Variants in DNAI3 observed in about 807,000 individuals in gnomAD.
DNAI3 encodes WD repeat domain 63.
Under a neutral mutation model 115.5 loss-of-function variants are expected in DNAI3, and 83 were observed. The observed-to-expected ratio is 0.72, with a 90% CI of 0.60 to 0.86. The LOEUF is 0.86. Ranked by LOEUF, DNAI3 falls within the 40% of genes least tolerant of loss-of-function variation. The probability of loss-of-function intolerance (pLI) is 0.00; values close to 1 mark genes in which losing one functional copy is unlikely to be tolerated. For synonymous variants in DNAI3, 320 were observed against 347.0 expected, an observed-to-expected ratio of 0.92 and a Z score of 0.86; for missense variants, 1,004 against 1,075.8, an observed-to-expected ratio of 0.93 and a Z score of 0.93.
chr1:85,116,898 A>G (rs1312132466), intron 16 of DNAI3, among the ~76,000 whole-genome samples: 3 of 152,222 alleles, frequency 2.0e-5, no homozygotes, highest in Non-Finnish European at 2.9e-5. Context: ...CTAAATCATG[A>G]TAATCATTTT....
rs779214574 is a variant in DNAI3, at chr1:85,126,755, T to A, written c.2317+40T>A. On this transcript the variant is annotated intron_variant, in intron 20 of 22. Coordinates refer to ENST00000294664, the MANE Select transcript of DNAI3 (RefSeq NM_145172.5). ...ACTAAATAAGCTAAGTCATTTTGGG[T>A]AACTCGGGAACATCTTGACATTCAT... 5 of 1,609,280 alleles carry A rather than the reference T, an allele frequency of 3.1e-6. No individual in the cohort carries two copies. In the Admixed American group the frequency reaches 6.7e-5, roughly 21 times the overall value.
rs770894130 is a variant in DNAI3, at chr1:85,085,892, A to G, written c.602A>G (p.Gln201Arg). ...EFGAPIKFSD[Q>R]NASSVKDAYI... is the part of the protein sequence containing the mutation. Reference sequence around the variant, plus strand: ...GGTGCACCAATTAAGTTCAGTGACCAGAATGCTTCCAGTGTAAAAGATGCC... The same window carrying G: ...GGTGCACCAATTAAGTTCAGTGACCGGAATGCTTCCAGTGTAAAAGATGCC... The change falls in exon 7 of 23, where the codon CAG becomes CGG. Residue 201 changes from glutamine to arginine, a missense_variant. Transcript: ENST00000294664. The G allele has an allele frequency of 3.1e-6, 5 of 1,614,234 alleles. No individual in the cohort carries two copies. Among genetic ancestry groups the G allele is most frequent in the Non-Finnish European group, 4.2e-6 (5 of 1,180,044 alleles).
intron 16 of DNAI3, among the ~76,000 whole-genome samples, chr1:85,110,375 C>T (rs527248180): frequency 6.6e-6 from 1 of 151,556 alleles, no homozygotes; most frequent in African/African-American, 2.4e-5. Context: ...GGCGTGAACC[C>T]GGGAGGCAGA....
At chr1:85,086,418 T>C (rs1344677854) in intron 7 of DNAI3, among the ~76,000 whole-genome samples, 1 of 152,160 alleles carries the variant, frequency 6.6e-6, no homozygotes, top group Non-Finnish European at 1.5e-5. Flanking sequence ...TTCTTTGGCT[T>C]TCATCACTTA....
rs980160689 is a variant in DNAI3, at chr1:85,119,125, T to A, written c.1917+1266T>A. On this transcript the variant is annotated intron_variant, in intron 17 of 22. Coordinates refer to ENST00000294664, the MANE Select transcript of DNAI3 (RefSeq NM_145172.5). Reference sequence around the variant, plus strand: ...CACAGCAAAGTTTAAAAAATTTTTTTAATTGTGGTAAAATATATGTAACAT... The same window carrying A: ...CACAGCAAAGTTTAAAAAATTTTTTAAATTGTGGTAAAATATATGTAACAT... 7.9e-5 allele frequency among the ~76,000 whole-genome samples: 12 copies of A among 152,248 alleles called. No homozygotes were observed. The South Asian group carries it at 8.3e-4, about 10-fold the overall frequency.
At chr1:85,077,254 G>C (rs1432503522) in intron 3 of DNAI3, among the ~76,000 whole-genome samples, 3 of 152,154 alleles carry the variant, frequency 2.0e-5, no homozygotes, top group Non-Finnish European at 4.4e-5. Context: ...TTAGATAGCT[G>C]TAAGTAAGAA....
chr1:85,097,835 G>A (rs1267152277), intron 12 of DNAI3, among the ~76,000 whole-genome samples, 180 bp downstream of exon 12: 2 of 152,192 alleles, frequency 1.3e-5, no homozygotes, highest in East Asian at 3.9e-4. Context: ...TTTTATGTGG[G>A]CCCTTGATTA....
intron 16 of DNAI3, among the ~76,000 whole-genome samples, chr1:85,114,564 G>A (rs1655757936): frequency 2.0e-5 from 3 of 152,166 alleles, no homozygotes; most frequent in Admixed American, 2.0e-4. Flanking sequence ...GATCTTTGGA[G>A]GAAGGTCACT....
rs1278408148 is a variant in DNAI3, at chr1:85,129,986, A to T, written c.2410-4A>T. On this transcript the variant is annotated splice_region_variant and splice_polypyrimidine_tract_variant and intron_variant, in intron 21 of 22. Transcript: ENST00000294664. ...ACCCTCTCATGGACTTCTGTTTCTA[A>T]CAGATGGCAAGTGTCAACCACTATT... The T allele has an allele frequency of 6.2e-7, 1 of 1,611,112 alleles. No individual in the cohort carries two copies. The highest frequency in any genetic ancestry group is 2.2e-5 in the East Asian group (1 of 44,840).
chr1:85,088,692 GC>G (rs1654868292), intron 7 of DNAI3, among the ~76,000 whole-genome samples: 2 of 152,114 alleles, frequency 1.3e-5, no homozygotes, highest in African/African-American at 4.8e-5. Context: ...AAAAATGAAA[GC>G]CCAATGTTTC....
Position 85,113,642 on chromosome 1 carries a change from C to G in DNAI3, c.1786+3507C>G, listed in dbSNP as rs190212359. ...AATTAGATAGTGTTAGTTTTCCAACCTTTTTTTTTTCAAAGTAGTTTTTGA... is the reference window on the plus strand; with the variant it reads ...AATTAGATAGTGTTAGTTTTCCAACGTTTTTTTTTTCAAAGTAGTTTTTGA... On this transcript the variant is annotated intron_variant, in intron 16 of 22. Transcript: ENST00000294664. Among the ~76,000 whole-genome samples, 282 of 149,330 alleles carry G rather than the reference C, an allele frequency of 1.9e-3. 12 individuals are homozygous for G. The East Asian group carries it at 0.046, about 24-fold the overall frequency.
Position 85,128,812 on chromosome 1 carries a change from C to T in DNAI3, c.2409+13C>T, listed in dbSNP as rs1177364344. 16 of 1,600,656 alleles carry T rather than the reference C, an allele frequency of 1.0e-5. No homozygotes were observed. Among genetic ancestry groups the T allele is most frequent in the Non-Finnish European group, 1.4e-5 (16 of 1,171,008 alleles). On this transcript the variant is annotated intron_variant, in intron 21 of 22. Coordinates refer to ENST00000294664, the MANE Select transcript of DNAI3 (RefSeq NM_145172.5). ...TTCCACCAATGAGGTTAGTAACTAACTTATGACTTTGAGAATTAATGTGAC... is the reference window on the plus strand; with the variant it reads ...TTCCACCAATGAGGTTAGTAACTAATTTATGACTTTGAGAATTAATGTGAC...
At chr1:85,064,159 A>T (rs1342755605) in intron 1 of DNAI3, among the ~76,000 whole-genome samples, 1 of 152,128 alleles carries the variant, frequency 6.6e-6, no homozygotes, top group Non-Finnish European at 1.5e-5. Context: ...TATTTGATGC[A>T]TGGGCTTCAC....
rs1450401389 is a variant in DNAI3, at chr1:85,073,037, C to CTTATTTTATTA, written c.65-15_65-14insATTTTATTATT. Reference sequence around the variant, plus strand: ...GATTCAAAAATGTAAATTTGACTTCCTTTTATTATATTCTAGCTAGTGAAG... The same window carrying CTTATTTTATTA: ...GATTCAAAAATGTAAATTTGACTTCCTTATTTTATTATTTTATTATATTCTAGCTAGTGAAG... On this transcript the variant is annotated splice_polypyrimidine_tract_variant and intron_variant, in intron 2 of 22. Transcript: ENST00000294664. 2.0e-6 allele frequency: 3 copies of CTTATTTTATTA among 1,486,918 alleles called. No individual in the cohort carries two copies. In the African/African-American group the frequency reaches 4.3e-5, roughly 21 times the overall value. 92.1% of individuals were successfully genotyped at this position (1,486,918 alleles called of 1,614,324 possible).
chr1:85,119,980 G>A (rs1282081815), intron 17 of DNAI3, among the ~76,000 whole-genome samples: 4 of 152,190 alleles, frequency 2.6e-5, no homozygotes, highest in African/African-American at 7.2e-5. Context: ...GATTACAGGC[G>A]TGAGCCACTG....
At chr1:85,085,788 A>AGTTTTTCTTCT (rs770761615) in intron 6 of DNAI3, 43 bp from the exon 7 acceptor site, 403 of 1,585,722 alleles carry the variant, frequency 2.5e-4, no homozygotes, top group Non-Finnish European at 3.3e-4. Flanking sequence ...CCTACACATC[A>AGTTTTTCTTCT]GGGACTTCAT....
chr1:85,098,240 T>A (rs1287979013), intron 12 of DNAI3, among the ~76,000 whole-genome samples: 1 of 152,188 alleles, frequency 6.6e-6, no homozygotes, highest in Non-Finnish European at 1.5e-5. Flanking sequence ...AGATGCAGCC[T>A]TCTATAGGCA....
intron 8 of DNAI3, among the ~76,000 whole-genome samples, chr1:85,091,926 G>A (rs926726305): frequency 8.5e-5 from 13 of 152,278 alleles, no homozygotes; most frequent in Admixed American, 3.9e-4. Flanking sequence ...AAACCAGAGC[G>A]GAAGCCACGT....
At chr1:85,099,951 C>T (rs999865970) in intron 13 of DNAI3, among the ~76,000 whole-genome samples, 13 of 152,160 alleles carry the variant, frequency 8.5e-5, no homozygotes, top group African/African-American at 3.1e-4. Context: ...CCCTTCCTTA[C>T]ACCTTATACA....
Sources: gnomAD v4.1 joint callset for allele counts (sites outside exome capture counted in the v4.1 genomes callset) on GRCh38, gnomAD v4.1.1 for gene constraint, MANE v1.5 for transcripts, NCBI Gene and HGNC (gene_info 2026-07-23, HGNC 2026-07-21) for gene names.